SLC2A12: variants seen among roughly 807,000 people sequenced by gnomAD.
The protein encoded by SLC2A12 is solute carrier family 2 member 12, also known as solute carrier family 2, facilitated glucose transporter member 12.
A neutral mutation model predicts 41.8 loss-of-function variants in SLC2A12; 23 were observed. The ratio of observed to expected loss-of-function variants is 0.55; its 90% CI spans 0.40 to 0.78. SLC2A12 has a LOEUF of 0.78. SLC2A12 is among the 30% of genes least tolerant of loss of function. The pLI is 0.00. For synonymous variants in SLC2A12, 295 were observed against 285.9 expected (o/e 1.03, Z -0.32); for missense variants, 654 against 745.6 (o/e 0.88, Z 1.43).
intron 2 of SLC2A12, among the ~76,000 whole-genome samples, chr6:134,025,162 T>C (rs931399455): frequency 1.3e-5 from 2 of 152,194 alleles, no homozygotes; most frequent in African/African-American, 4.8e-5. Context: ...TATTCATTCT[T>C]CCTCCTAGTG....
intron 2 of SLC2A12, among the ~76,000 whole-genome samples, chr6:134,019,550 G>A (rs1436309146): frequency 6.6e-6 from 1 of 152,156 alleles, no homozygotes; most frequent in Non-Finnish European, 1.5e-5. Context: ...GATAAGTTAT[G>A]GACAACAGAG....
At chr6:134,049,314 T>G (rs902700949) in intron 1 of SLC2A12, among the ~76,000 whole-genome samples, 1 of 152,206 alleles carries the variant, frequency 6.6e-6, no homozygotes, top group African/African-American at 2.4e-5. Flanking sequence ...ATTGTTCTTG[T>G]TTTCTGAACC....
chr6:134,036,588 G>A (rs7739733), intron 1 of SLC2A12, among the ~76,000 whole-genome samples: 2 of 151,976 alleles, frequency 1.3e-5, no homozygotes, highest in African/African-American at 4.8e-5. Context: ...TCCTTTCACC[G>A]CTAGCCTTCT....
At chr6:134,015,161 GA>G (rs1376935876) in intron 2 of SLC2A12, among the ~76,000 whole-genome samples, 2 of 152,210 alleles carry the variant, frequency 1.3e-5, no homozygotes, top group Admixed American at 1.3e-4. Flanking sequence ...AACAAGATTT[GA>G]AAGATCTTAA....
At chr6:133,993,815 T>C (rs1776652248) in intron 4 of SLC2A12, among the ~76,000 whole-genome samples, 1 of 152,188 alleles carries the variant, frequency 6.6e-6, no homozygotes. Flanking sequence ...ATCTGGAGCC[T>C]TGAGCATGCT....
intron 3 of SLC2A12, among the ~76,000 whole-genome samples, chr6:134,005,659 TAAAA>T (rs56710009): frequency 5.5e-3 from 359 of 64,858 alleles, no homozygotes; most frequent in African/African-American, 0.013. Flanking sequence ...GACTCTGTCT[TAAAA>T]AAAAAAAAAA....
At chr6:134,049,262 G>A (rs1480499563) in intron 1 of SLC2A12, among the ~76,000 whole-genome samples, 1 of 152,216 alleles carries the variant, frequency 6.6e-6, no homozygotes, top group South Asian at 2.1e-4. Context: ...CCCAGTGCCA[G>A]AGAGTTCTGC....
At position 133,997,029 on chromosome 6, in the gene SLC2A12, CAGG is replaced by C. The variant is rs541822908; in HGVS notation, c.1700+4965_1700+4967del. ...GGCAAAGGCGGGCAGATCACGAGGTCAGGAGATCGAGACAATCCTGGCTAACAC... is the reference window on the plus strand; with the variant it reads ...GGCAAAGGCGGGCAGATCACGAGGTCAGATCGAGACAATCCTGGCTAACAC... On this transcript the variant is annotated intron_variant, in intron 4 of 4. Transcript: ENST00000275230. Among the ~76,000 whole-genome samples, 80 of 135,232 alleles carry C rather than the reference CAGG, an allele frequency of 5.9e-4. 2 individuals are homozygous for C. The South Asian group carries it at 8.9e-3, about 15-fold the overall frequency. 88.7% of individuals were successfully genotyped at this position (135,232 alleles called of 152,430 possible).
intron 1 of SLC2A12, among the ~76,000 whole-genome samples, chr6:134,030,998 G>T (rs1344926942): frequency 1.3e-5 from 2 of 152,192 alleles, no homozygotes; most frequent in Admixed American, 1.3e-4. Context: ...TTGTTGCCTT[G>T]GTTTGGACAA....
chr6:133,990,930 C>T lies in SLC2A12; in HGVS notation c.*225G>A. The T allele has an allele frequency of 2.2e-6, 1 of 445,702 alleles. No individual in the cohort carries two copies. Among genetic ancestry groups the T allele is most frequent in the East Asian group, 3.4e-5 (1 of 29,212 alleles). The allele number at this position is 445,702 out of a possible 1,614,324, so 27.6% of individuals were successfully genotyped here. A position where few individuals can be genotyped will look rare whatever the true frequency, so the allele number is the denominator to read the frequency against. On this transcript the variant is annotated 3_prime_UTR_variant, in exon 5 of 5. Coordinates refer to ENST00000275230, the MANE Select transcript of SLC2A12 (RefSeq NM_145176.3). The stretch of plus-strand genomic sequence containing the variant: ...AACTTTTTTTTTTTAACCTGATATC[C>T]TGCTCAGAAAAAGAGATCACTTAGG...
intron 1 of SLC2A12, among the ~76,000 whole-genome samples, chr6:134,051,075 C>T (rs1773677137): frequency 6.6e-6 from 1 of 152,100 alleles, no homozygotes; most frequent in Admixed American, 6.5e-5. Flanking sequence ...CCACTATGCT[C>T]AGCTAATTTT....
chr6:133,989,918 T>A lies in SLC2A12; in HGVS notation c.*1237A>T, dbSNP rs1776597617. On this transcript the variant is annotated 3_prime_UTR_variant, in exon 5 of 5. Transcript: ENST00000275230. ...GTTAGGTTGTTCGTGCTTTTAAGTT[T>A]TTTGTGTGTCTTCCATCACTTAAAT... The A allele has an allele frequency of 6.6e-6, 1 of 152,230 alleles. No homozygotes were observed. The highest frequency in any genetic ancestry group is 1.5e-5 in the Non-Finnish European group (1 of 68,044). 9.4% of individuals were successfully genotyped at this position (152,230 alleles called of 1,614,324 possible). A position where few individuals can be genotyped will look rare whatever the true frequency, so the allele number is the denominator to read the frequency against.
intron 1 of SLC2A12, among the ~76,000 whole-genome samples, chr6:134,044,670 C>T (rs934695762): frequency 6.9e-5 from 10 of 144,912 alleles, no homozygotes; most frequent in African/African-American, 2.1e-4. Context: ...GCCGAGATAG[C>T]GCCACTACAC....
chr6:134,009,914 C>T (rs569412355), intron 2 of SLC2A12, among the ~76,000 whole-genome samples: 1 of 152,150 alleles, frequency 6.6e-6, no homozygotes, highest in African/African-American at 2.4e-5. Flanking sequence ...TTTTCAGCTC[C>T]AGAGAAAGGG....
At chr6:134,034,240 C>G (rs1482161753) in intron 1 of SLC2A12, among the ~76,000 whole-genome samples, 1 of 152,158 alleles carries the variant, frequency 6.6e-6, no homozygotes, top group Non-Finnish European at 1.5e-5. Flanking sequence ...AACCCTAGTC[C>G]CACATGGACG....
At chr6:134,013,595 A>G (rs1213097779) in intron 2 of SLC2A12, among the ~76,000 whole-genome samples, 1 of 152,114 alleles carries the variant, frequency 6.6e-6, no homozygotes, top group Non-Finnish European at 1.5e-5. Context: ...TTTTAAATGG[A>G]TGAAAATGAT....
Position 133,991,344 on chromosome 6 carries a change from C to T in SLC2A12, c.1701-36G>A, listed in dbSNP as rs749345641. The T allele has an allele frequency of 3.8e-6, 6 of 1,597,844 alleles. No homozygotes were observed. The African/African-American group carries it at 6.8e-5, about 18-fold the overall frequency. ...AAGAGGCACTAATGAAAATGTCATTCTTAGTTTACATGAAAAAAATGTGTA... is the reference window on the plus strand; with the variant it reads ...AAGAGGCACTAATGAAAATGTCATTTTTAGTTTACATGAAAAAAATGTGTA... On this transcript the variant is annotated intron_variant, in intron 4 of 4. Coordinates refer to ENST00000275230, the MANE Select transcript of SLC2A12 (RefSeq NM_145176.3).
chr6:133,996,780 A>G (rs577377450), intron 4 of SLC2A12, among the ~76,000 whole-genome samples: 17 of 152,218 alleles, frequency 1.1e-4, no homozygotes, highest in African/African-American at 3.1e-4. Flanking sequence ...TGGGCTTTCT[A>G]CCACCTCGCA....
intron 2 of SLC2A12, among the ~76,000 whole-genome samples, chr6:134,020,446 C>T (rs2114459170): frequency 6.6e-6 from 1 of 152,190 alleles, no homozygotes; most frequent in East Asian, 1.9e-4. Flanking sequence ...AAGCTTGTTC[C>T]TAATAAAAAT....
Sources: allele counts gnomAD v4.1 joint callset (sites outside exome capture counted in the v4.1 genomes callset), GRCh38; gene constraint gnomAD v4.1.1; transcripts MANE v1.5; gene names NCBI Gene and HGNC (gene_info 2026-07-23, HGNC 2026-07-21).